Variants in SH2D7 observed in about 807,000 individuals in gnomAD.
SH2D7 encodes SH2 domain containing 7, also known as SH2 domain-containing protein 7.
In SH2D7, 32 loss-of-function variants were observed where a neutral mutation model predicts 40.8. The observed-to-expected ratio is 0.78, with a 90% CI of 0.59 to 1.05. The LOEUF is 1.05. SH2D7 is among the 50% of genes least tolerant of loss of function. The probability of loss-of-function intolerance (pLI) is 0.00; values close to 1 mark genes in which losing one functional copy is unlikely to be tolerated. For missense variants in SH2D7, 559 were observed against 566.6 expected, an observed-to-expected ratio of 0.99 and a Z score of 0.14; for synonymous variants, 195 against 221.5, an observed-to-expected ratio of 0.88 and a Z score of 1.06.
At chr15:78,100,798 A>AGC in intron 4 of SH2D7, 101 bp from the exon 5 acceptor site, 1 of 1,349,462 alleles carries the variant, frequency 7.4e-7, no homozygotes, top group Non-Finnish European at 1.0e-6. Flanking sequence ...GGAGGACTAT[A>AGC]GCCAAGACAG....
rs1356199412 is a variant in SH2D7, at chr15:78,094,369, T to A, written c.266+168T>A. Among the ~76,000 whole-genome samples, 3 of 152,192 alleles carry A rather than the reference T, an allele frequency of 2.0e-5. No individual in the cohort carries two copies. In the East Asian group the frequency reaches 5.8e-4, roughly 29 times the overall value. On this transcript the variant is annotated intron_variant, in intron 2 of 5. Coordinates refer to ENST00000328828, the MANE Select transcript of SH2D7 (RefSeq NM_001101404.2). ...TCAGCAGACACTTCCTGAGCAGCACTGGCCATATACTAGGGATGAAGACAC... is the reference window on the plus strand; with the variant it reads ...TCAGCAGACACTTCCTGAGCAGCACAGGCCATATACTAGGGATGAAGACAC...
chr15:78,094,348 C>T, intron 2 of SH2D7, 147 bp downstream of exon 2: 1 of 703,688 alleles, frequency 1.4e-6, no homozygotes, highest in East Asian at 2.7e-5. Flanking sequence ...ACATGCTCAG[C>T]AGACACTTCC....
intron 4 of SH2D7, 69 bp from the exon 5 acceptor site, chr15:78,100,830 G>C (rs2061937616): frequency 5.1e-6 from 8 of 1,554,318 alleles, no homozygotes; most frequent in African/African-American, 1.4e-5. Context: ...TTATCTGAGA[G>C]AGTTTTTACT....
At position 78,094,428 on chromosome 15, in the gene SH2D7, G is replaced by A. The variant is rs554129836; in HGVS notation, c.266+227G>A. On this transcript the variant is annotated intron_variant, in intron 2 of 5. Transcript: ENST00000328828. ...AAGGAGGTGAGTGGGGTTCGGGGAG[G>A]CTTCACAGAGGTGAACTTTGAGCCT... 1.5e-3 allele frequency among the ~76,000 whole-genome samples: 225 copies of A among 152,354 alleles called. 1 individual carries two copies. Among genetic ancestry groups the A allele is most frequent in the Admixed American group, 4.2e-3 (64 of 15,304 alleles).
At chr15:78,099,169 A>G (rs1334328573) in intron 4 of SH2D7, among the ~76,000 whole-genome samples, 1 of 152,068 alleles carries the variant, frequency 6.6e-6, no homozygotes, top group Non-Finnish European at 1.5e-5. Context: ...GGCACCTGCC[A>G]CCACACCCGT....
chr15:78,095,351 A>AT (rs947103541), intron 2 of SH2D7, among the ~76,000 whole-genome samples: 1 of 152,082 alleles, frequency 6.6e-6, no homozygotes, highest in East Asian at 1.9e-4. Context: ...AGCTTTGGGG[A>AT]TTTTTTTATT....
chr15:78,094,262 T>G, intron 2 of SH2D7, 61 bp downstream of exon 2: 1 of 1,526,000 alleles, frequency 6.6e-7, no homozygotes, highest in East Asian at 2.4e-5. Flanking sequence ...CCTTGCAGAT[T>G]AGTGCAGAGG....
chr15:78,095,537 T>TG (rs1304164599), intron 2 of SH2D7, among the ~76,000 whole-genome samples: 1 of 152,174 alleles, frequency 6.6e-6, no homozygotes, highest in African/African-American at 2.4e-5. Context: ...TGCAATTCCG[T>TG]GGGGGAAAGG....
At chr15:78,093,317 G>A (rs564570877) in intron 1 of SH2D7, among the ~76,000 whole-genome samples, 6 of 152,306 alleles carry the variant, frequency 3.9e-5, no homozygotes, top group Non-Finnish European at 7.4e-5. Flanking sequence ...TCACTGACTC[G>A]TGCAGCAGCA....
chr15:78,101,258 G>A lies in SH2D7; in HGVS notation c.1005G>A (p.Leu335=). 4 of 1,608,564 alleles carry A rather than the reference G, an allele frequency of 2.5e-6. No homozygotes were observed. Among genetic ancestry groups the A allele is most frequent in the Non-Finnish European group, 3.4e-6 (4 of 1,178,026 alleles). ...CCTGGAGGCAGGAGTTTCCAAAGCT[G>A]AGCCAAGAGGCTCAGCCCTGCTCCC... ...GATWRQEFPK[L]SQEAQPCSQG... Residue 335 remains leucine, a synonymous_variant, in exon 5 of 6, where the codon CTG becomes CTA. Transcript: ENST00000328828.
intron 1 of SH2D7, among the ~76,000 whole-genome samples, chr15:78,093,348 A>G (rs1415772384): frequency 1.3e-5 from 2 of 152,212 alleles, no homozygotes; most frequent in African/African-American, 4.8e-5. Flanking sequence ...AGGGCTCCAC[A>G]TTTGGTTTAA....
chr15:78,093,128 G>C (rs1462513883), intron 1 of SH2D7, among the ~76,000 whole-genome samples: 1 of 152,212 alleles, frequency 6.6e-6, no homozygotes, highest in Non-Finnish European at 1.5e-5. Context: ...CATAAATGGG[G>C]CCATCCCAGG....
chr15:78,099,606 C>T (rs1372563866), intron 4 of SH2D7, among the ~76,000 whole-genome samples: 5 of 151,800 alleles, frequency 3.3e-5, no homozygotes, highest in Non-Finnish European at 7.4e-5. Flanking sequence ...GGATTACAAG[C>T]GTGAGCCACA....
intron 3 of SH2D7, 77 bp from the exon 4 acceptor site, chr15:78,098,307 C>T: frequency 6.5e-7 from 1 of 1,546,458 alleles, no homozygotes; most frequent in Non-Finnish European, 8.8e-7. Context: ...CAGTCTCTTA[C>T]CAGCAGTCTC....
At position 78,103,643 on chromosome 15, in the gene SH2D7, A is replaced by G; in HGVS notation, c.*128A>G. ...TGAGACTCATCCAGCCTGCTACAGAACTAGGCTCCGAGACAGCCGAGGTGC... is the reference window on the plus strand; with the variant it reads ...TGAGACTCATCCAGCCTGCTACAGAGCTAGGCTCCGAGACAGCCGAGGTGC... On this transcript the variant is annotated 3_prime_UTR_variant, in exon 6 of 6. Coordinates refer to ENST00000328828, the MANE Select transcript of SH2D7 (RefSeq NM_001101404.2). 1 of 1,199,146 alleles carries G rather than the reference A, an allele frequency of 8.3e-7. No homozygotes were observed. The highest frequency in any genetic ancestry group is 1.2e-6 in the Non-Finnish European group (1 of 858,660). 74.3% of individuals were successfully genotyped at this position (1,199,146 alleles called of 1,614,324 possible).
rs1215769151 is a variant in SH2D7, at chr15:78,097,937, A to T, written c.275A>T (p.Asp92Val). The T allele has an allele frequency of 6.2e-7, 1 of 1,613,704 alleles. No individual in the cohort carries two copies. The highest frequency in any genetic ancestry group is 8.5e-7 in the Non-Finnish European group (1 of 1,179,710). The stretch of plus-strand genomic sequence containing the variant: ...AAGCACTTGTGTTGCAGGGGCAGTG[A>T]TCGCTGCCGACATTTTGTCATCAAC... ...TGYILSYRGS[D>V]RCRHFVINQL... The change falls in exon 3 of 6, where the codon GAT (aspartate) becomes GTT (valine). Residue 92 changes from aspartate to valine, a missense_variant. Asp to Val is a radical substitution (Grantham distance 152). Transcript: ENST00000328828.
At position 78,101,504 on chromosome 15, in the gene SH2D7, C is replaced by T. The variant is rs1166413726; in HGVS notation, c.1251C>T (p.Asn417=). The T allele has an allele frequency of 2.5e-6, 4 of 1,609,990 alleles. No individual in the cohort carries two copies. Among genetic ancestry groups the T allele is most frequent in the Non-Finnish European group, 3.4e-6 (4 of 1,178,592 alleles). ...CCCCAGAGCTCTCAGAGCCTGGGAA[C>T]ACCTATGAACAGATCCCAGCAACCA... ...SGTPELSEPG[N]TYEQIPATKS... Residue 417 remains asparagine, a synonymous_variant, in exon 5 of 6, where the codon AAC becomes AAT. Coordinates refer to ENST00000328828, the MANE Select transcript of SH2D7 (RefSeq NM_001101404.2).
At position 78,092,723 on chromosome 15, in the gene SH2D7, G is replaced by A. The variant is rs1477235454; in HGVS notation, c.139G>A (p.Ala47Thr). The A allele has an allele frequency of 6.2e-7, 1 of 1,606,376 alleles. No homozygotes were observed. Among genetic ancestry groups the A allele is most frequent in the Non-Finnish European group, 8.5e-7 (1 of 1,176,414 alleles). The change falls in exon 1 of 6, where the codon GCC becomes ACC. Residue 47 changes from alanine to threonine, a missense_variant. By Grantham distance (58) the Ala-to-Thr change is moderately conservative. Transcript: ENST00000328828. ...GGCCCCCTTCATTCTGCAGAACGGT[G>A]CCCTGCCTCCCTGGTTTCATGGATT... ...TQAPFILQNG[A>T]LPPWFHGFIT...
intron 2 of SH2D7, among the ~76,000 whole-genome samples, chr15:78,095,912 T>A (rs2073969080): frequency 2.0e-5 from 3 of 152,182 alleles, no homozygotes; most frequent in African/African-American, 7.2e-5. Context: ...GCGCGATCTC[T>A]GCTCACTGCC....
Sources: allele counts gnomAD v4.1 joint callset (sites outside exome capture counted in the v4.1 genomes callset), GRCh38; gene constraint gnomAD v4.1.1; transcripts MANE v1.5; gene names NCBI Gene and HGNC (gene_info 2026-07-23, HGNC 2026-07-21).